CEP290: variants seen among roughly 807,000 people sequenced by gnomAD.
The protein encoded by CEP290 is centrosomal protein of 290 kDa.
A neutral mutation model predicts 344.9 loss-of-function variants in CEP290; 317 were observed. That is an observed-to-expected ratio of 0.92 (90% CI 0.84 to 1.01). The LOEUF (loss-of-function observed/expected upper bound fraction) is 1.01. Among genes scored for constraint, CEP290 ranks in the 50% least tolerant of loss-of-function variants. CEP290 has a pLI of 0.00. For missense variants in CEP290, 2,754 were observed against 2,761.4 expected (o/e 1.00, Z 0.06); for synonymous variants, 932 against 895.8 (o/e 1.04, Z -0.72).
At chr12:88,091,289 A>C (rs2137313695) in intron 29 of CEP290, among the ~76,000 whole-genome samples, 1 of 152,304 alleles carries the variant, frequency 6.6e-6, no homozygotes. Flanking sequence ...TTAAGAACAC[A>C]GAAATGTAAA....
intron 43 of CEP290, among the ~76,000 whole-genome samples, chr12:88,070,331 G>A (rs975403366): frequency 6.6e-6 from 1 of 152,166 alleles, no homozygotes; most frequent in African/African-American, 2.4e-5. Context: ...TTCTGTTACT[G>A]CCTGCCCTGA....
chr12:88,094,368 A>G (rs2037276628), intron 27 of CEP290, among the ~76,000 whole-genome samples: 1 of 152,110 alleles, frequency 6.6e-6, no homozygotes, highest in African/African-American at 2.4e-5. Flanking sequence ...CTTTGTGAAT[A>G]TAAGTGCAAT....
chr12:88,070,120 T>A (rs900406557), intron 43 of CEP290, among the ~76,000 whole-genome samples: 8 of 152,168 alleles, frequency 5.3e-5, no homozygotes, highest in African/African-American at 1.9e-4. Context: ...TCTCAAAGGC[T>A]CTGCTAAGAA....
At chr12:88,072,661 A>G (rs1345138211) in intron 41 of CEP290, among the ~76,000 whole-genome samples, 1 of 152,170 alleles carries the variant, frequency 6.6e-6, no homozygotes, top group Non-Finnish European at 1.5e-5. Context: ...ATTTCCTAGC[A>G]TCAGAGCCCC....
chr12:88,086,746 T>C (rs1335146911), intron 32 of CEP290, among the ~76,000 whole-genome samples: 2 of 152,342 alleles, frequency 1.3e-5, no homozygotes, highest in African/African-American at 2.4e-5. Context: ...CGTTCAGCTA[T>C]ACGAAAGATA....
chr12:88,051,920 G>A (rs901182993), intron 52 of CEP290: 5 of 152,136 alleles, frequency 3.3e-5, no homozygotes, highest in Admixed American at 1.3e-4. Flanking sequence ...ATAGCATAGC[G>A]GGTTAAGGAC....
At chr12:88,075,499 A>T (rs1239620243) in intron 41 of CEP290, among the ~76,000 whole-genome samples, 1 of 152,142 alleles carries the variant, frequency 6.6e-6, no homozygotes, top group Non-Finnish European at 1.5e-5. Flanking sequence ...AATAATAAAT[A>T]AAATAGGCAA....
intron 6 of CEP290, among the ~76,000 whole-genome samples, chr12:88,133,873 T>C (rs1161585658): frequency 6.6e-6 from 1 of 152,230 alleles, no homozygotes; most frequent in Non-Finnish European, 1.5e-5. Flanking sequence ...AAGAACTTAA[T>C]GCTAAAGCAT....
chr12:88,079,486 A>C (rs979693092), intron 38 of CEP290, among the ~76,000 whole-genome samples: 2 of 152,168 alleles, frequency 1.3e-5, no homozygotes, highest in Non-Finnish European at 2.9e-5. Flanking sequence ...GCATTAAATC[A>C]AGCTATTACA....
At chr12:88,098,547 G>A (rs189815465) in intron 26 of CEP290, among the ~76,000 whole-genome samples, 1 of 152,092 alleles carries the variant, frequency 6.6e-6, no homozygotes, top group Non-Finnish European at 1.5e-5. Flanking sequence ...AGGAGGGCAA[G>A]GCTGCAATGA....
In CEP290 at chr12:88,087,869, T is replaced by C; in HGVS notation, c.4105A>G (p.Lys1369Glu). The C allele has an allele frequency of 1.6e-6, 2 of 1,238,758 alleles. No homozygotes were observed. Among genetic ancestry groups the C allele is most frequent in the Non-Finnish European group, 2.1e-6 (2 of 965,248 alleles). The allele number at this position is 1,238,758 out of a possible 1,614,324, so 76.7% of individuals were successfully genotyped here. The change falls in exon 32 of 54, where the codon AAA becomes GAA. Residue 1369 changes from lysine to glutamate, a missense_variant. Coordinates refer to ENST00000552810, the MANE Select transcript of CEP290 (RefSeq NM_025114.4). ...LKLNRELVKD[K>E]EEIKYLNNII... ...TTATTCAAATATTTTATTTCTTCTT[T>C]ATCCTTGACTAATTCCCGATTTAGT... is the stretch of plus-strand genomic sequence containing the variant.
At chr12:88,115,027 G>C in intron 19 of CEP290, 71 bp downstream of exon 19, 1 of 750,770 alleles carries the variant, frequency 1.3e-6, no homozygotes, top group Non-Finnish European at 2.2e-6. Context: ...ATGTGTTAAC[G>C]CCCTTTTAGG....
chr12:88,092,853 A>C, intron 28 of CEP290, 21 bp from the exon 29 acceptor site: 1 of 1,605,432 alleles, frequency 6.2e-7, no homozygotes, highest in Non-Finnish European at 8.5e-7. Flanking sequence ...GTAACAAAAA[A>C]TGTTCAGATA....
At chr12:88,107,403 A>T (rs1474242676) in intron 23 of CEP290, among the ~76,000 whole-genome samples, 1 of 151,974 alleles carries the variant, frequency 6.6e-6, no homozygotes, top group Non-Finnish European at 1.5e-5. Context: ...TGAACACAGA[A>T]AAAAAGTAGG....
rs1565827486 is a variant in CEP290, at chr12:88,080,333, T to C, written c.5075A>G (p.Tyr1692Cys). ...CTCCTTTTGTGACTGGTCCAGAAGA[T>C]ACTTTAAATCCTCTACTTCCGCTTT... ...KVKAEVEDLKYLLDQSQKESQ... is the reference protein window; with the variant it reads ...KVKAEVEDLKCLLDQSQKESQ... Residue 1692 changes from tyrosine (Y) to cysteine (C), a missense_variant, in exon 38 of 54, where the codon TAT (tyrosine) becomes TGT (cysteine). Physicochemically the swap from Tyr to Cys is radical, Grantham distance 194. Transcript: ENST00000552810. The C allele has an allele frequency of 6.2e-7, 1 of 1,613,842 alleles. No individual in the cohort carries two copies. The highest frequency in any genetic ancestry group is 1.3e-5 in the African/African-American group (1 of 75,042).
intron 26 of CEP290, among the ~76,000 whole-genome samples, chr12:88,102,170 T>G (rs1373435268): frequency 1.3e-5 from 2 of 152,046 alleles, no homozygotes; most frequent in Non-Finnish European, 2.9e-5. Flanking sequence ...AGGTATAGAG[T>G]TCAAGTGGCT....
chr12:88,133,806 G>A (rs2040211425), intron 6 of CEP290, among the ~76,000 whole-genome samples: 1 of 152,148 alleles, frequency 6.6e-6, no homozygotes, highest in Non-Finnish European at 1.5e-5. Context: ...ATTATCAATT[G>A]AAAGTTAATA....
chr12:88,119,817 A>C (rs989597588), intron 15 of CEP290, among the ~76,000 whole-genome samples: 1 of 152,124 alleles, frequency 6.6e-6, no homozygotes, highest in Non-Finnish European at 1.5e-5. Context: ...AAAAAAGGTT[A>C]ATCTCTGATA....
At chr12:88,082,660 C>T (rs1301614374) in intron 37 of CEP290, among the ~76,000 whole-genome samples, 1 of 152,042 alleles carries the variant, frequency 6.6e-6, no homozygotes, top group African/African-American at 2.4e-5. Flanking sequence ...TGTCACTGCA[C>T]TCCAGCCTAG....
Sources: allele counts gnomAD v4.1 joint callset (sites outside exome capture counted in the v4.1 genomes callset), GRCh38; gene constraint gnomAD v4.1.1; transcripts MANE v1.5; gene names NCBI Gene and HGNC (gene_info 2026-07-23, HGNC 2026-07-21).